Variants in C4orf50 observed in about 807,000 individuals in gnomAD.
C4orf50 encodes the protein chromosome 4 open reading frame 50, also known as uncharacterized protein C4orf50.
C4orf50 carries 80 observed loss-of-function variants against 77.2 expected under a neutral mutation model. That is an observed-to-expected ratio of 1.04 (90% confidence interval 0.87 to 1.25). The LOEUF is 1.25. Among genes scored for constraint, C4orf50 ranks in the 50% most tolerant of loss-of-function variants. C4orf50 has a pLI of 0.00. For missense variants in C4orf50, 1,257 were observed against 1,152.9 expected (o/e 1.09, Z -1.31); for synonymous variants, 532 against 465.3 (o/e 1.14, Z -1.84).
chr4:6,015,585 T>C lies in C4orf50; in HGVS notation c.287+2560A>G, dbSNP rs1722653287. On this transcript the variant is annotated intron_variant, in intron 23 of 33. Transcript: ENST00000531445. This position sits in a 1 kb window ranked among gnomAD's most constrained non-coding sequence, Gnocchi z 4.4. ...TTTGCCCATTCTCCCCATGTCTGTGTGGGCTTTCTCGGGGTACCCTGGTCT... is the reference window on the plus strand; with the variant it reads ...TTTGCCCATTCTCCCCATGTCTGTGCGGGCTTTCTCGGGGTACCCTGGTCT... Among the ~76,000 whole-genome samples the C allele has an allele frequency of 6.6e-6, 1 of 152,130 alleles. No homozygotes were observed. The highest frequency in any genetic ancestry group is 1.5e-5 in the Non-Finnish European group (1 of 68,030).
In C4orf50 at chr4:5,909,472, C is replaced by T. The variant is rs150361389; in HGVS notation, c.*2475-11284G>A. Among the ~76,000 whole-genome samples, 535 of 152,306 alleles carry T rather than the reference C, an allele frequency of 3.5e-3. 1 individual carries two copies. The highest frequency in any genetic ancestry group is 5.6e-3 in the Non-Finnish European group (384 of 68,012). On this transcript the variant is annotated intron_variant, in intron 7 of 7. Coordinates refer to the C4orf50 transcript ENST00000324058. ...TCATTCTATAGATTGTCTCTTTACT[C>T]TGTTGATTGTTTCCTTTGCTGTGCA... is the stretch of plus-strand genomic sequence containing the variant.
chr4:5,906,501 G>C (rs1056225833), intron 7 of C4orf50, among the ~76,000 whole-genome samples: 1 of 152,162 alleles, frequency 6.6e-6, no homozygotes, highest in African/African-American at 2.4e-5. Context: ...GAGCCTTCAT[G>C]GATGCACCAG....
chr4:5,933,705 G>A (rs1717868929), intron 7 of C4orf50, among the ~76,000 whole-genome samples: 1 of 152,034 alleles, frequency 6.6e-6, no homozygotes, highest in Non-Finnish European at 1.5e-5. Flanking sequence ...CGGAGCTCGG[G>A]TGCCCATGGG....
At chr4:5,996,165 G>A (rs947246381) in intron 25 of C4orf50, among the ~76,000 whole-genome samples, 6 of 152,184 alleles carry the variant, frequency 3.9e-5, no homozygotes, top group African/African-American at 1.4e-4. Context: ...CTGCTTGCCT[G>A]TCCCAGCGCG....
intron 28 of C4orf50, among the ~76,000 whole-genome samples, chr4:5,984,224 T>C (rs1004090963): frequency 3.3e-5 from 5 of 152,204 alleles, no homozygotes; most frequent in Non-Finnish European, 7.4e-5. Flanking sequence ...TCAACATTCT[T>C]TGGAGAAAGA....
At chr4:5,926,858 G>A (rs979965753) in intron 7 of C4orf50, among the ~76,000 whole-genome samples, 7 of 152,112 alleles carry the variant, frequency 4.6e-5, no homozygotes, top group South Asian at 2.1e-4. Context: ...GTGGCTCTGC[G>A]GCTCATCCAT....
intron 28 of C4orf50, among the ~76,000 whole-genome samples, chr4:5,982,697 A>G (rs1185724054): frequency 1.3e-5 from 2 of 152,108 alleles, no homozygotes; most frequent in East Asian, 3.9e-4. Flanking sequence ...AAATGGTATC[A>G]TTGAAGGCAG....
chr4:5,937,587 G>T (rs1002769201), intron 7 of C4orf50, among the ~76,000 whole-genome samples: 5 of 152,094 alleles, frequency 3.3e-5, no homozygotes, highest in African/African-American at 1.2e-4. Flanking sequence ...ACATATATCA[G>T]TTATCATAAT....
At chr4:5,914,425 C>T (rs1457176955) in intron 7 of C4orf50, among the ~76,000 whole-genome samples, 4 of 151,816 alleles carry the variant, frequency 2.6e-5, no homozygotes, top group Non-Finnish European at 4.4e-5. Context: ...AGGATGGTCT[C>T]GATCTCCTGA....
Position 5,919,483 on chromosome 4 carries a change from CA to C in C4orf50, c.*2475-21296del, listed in dbSNP as rs1396904981. Among the ~76,000 whole-genome samples, 2 of 152,204 alleles carry C rather than the reference CA, an allele frequency of 1.3e-5. No homozygotes were observed. The highest frequency in any genetic ancestry group is 3.9e-4 in the East Asian group (2 of 5,186). On this transcript the variant is annotated intron_variant, in intron 7 of 7. Transcript: ENST00000324058. The surrounding 1 kb of genome is among the most constrained non-coding windows in gnomAD (Gnocchi z 6.5). The stretch of plus-strand genomic sequence containing the variant: ...CACCTGCCTCATGCCTCAGCAGCCC[CA>C]CAGAGACTGTGCAGGAGGCCATGTC...
chr4:5,937,983 A>G (rs982472856), intron 7 of C4orf50, among the ~76,000 whole-genome samples: 1 of 152,232 alleles, frequency 6.6e-6, no homozygotes, highest in Non-Finnish European at 1.5e-5. Flanking sequence ...GTATTTAAAC[A>G]CATCTTCCTC....
At chr4:5,914,029 G>A (rs1435567820) in intron 7 of C4orf50, among the ~76,000 whole-genome samples, 1 of 152,096 alleles carries the variant, frequency 6.6e-6, no homozygotes. Flanking sequence ...GTAATCATGA[G>A]AAGTAAAGTT....
chr4:5,953,577 G>A (rs1035489862), downstream of C4orf50, among the ~76,000 whole-genome samples: 2 of 152,224 alleles, frequency 1.3e-5, no homozygotes, highest in African/African-American at 2.4e-5. Context: ...TGAGCAGAGA[G>A]CACTGTCCCA....
At chr4:5,976,058 C>A in intron 29 of C4orf50, 103 bp from the exon 8 acceptor site, 1 of 873,456 alleles carries the variant, frequency 1.1e-6, no homozygotes, top group East Asian at 2.5e-5. Context: ...GTTGCCTGCC[C>A]TCTTTACCCT....
chr4:6,005,670 A>ACC, intron 25 of C4orf50, among the ~76,000 whole-genome samples: 2 of 152,314 alleles, frequency 1.3e-5, no homozygotes, highest in East Asian at 3.9e-4. Context: ...GGTAAACAGC[A>ACC]CCTGTCTCAC....
At chr4:5,989,535 C>G (rs892294624) in exon 28 of C4orf50, 2 of 1,536,154 alleles carry the variant, frequency 1.3e-6, no homozygotes, top group Non-Finnish European at 1.7e-6. Flanking sequence ...AGCTCCAGTT[C>G]TCTCCCCTAC....
intron 7 of C4orf50, among the ~76,000 whole-genome samples, chr4:5,937,689 A>T (rs921524534): frequency 3.9e-5 from 6 of 152,188 alleles, no homozygotes; most frequent in African/African-American, 9.7e-5. Flanking sequence ...TAACAGAGAC[A>T]TACTAAAAAT....
chr4:5,995,129 C>T (rs1428524057), intron 25 of C4orf50, among the ~76,000 whole-genome samples: 1 of 152,046 alleles, frequency 6.6e-6, no homozygotes, highest in Non-Finnish European at 1.5e-5. Flanking sequence ...CCAAAGGCTC[C>T]CAGCTCCACC....
intron 28 of C4orf50, among the ~76,000 whole-genome samples, chr4:5,986,758 C>G (rs557034732): frequency 6.6e-6 from 1 of 151,964 alleles, no homozygotes; most frequent in Non-Finnish European, 1.5e-5. Context: ...AGGCAGGTCT[C>G]GAACTCCTGA....
Sources: allele counts gnomAD v4.1 joint callset (sites outside exome capture counted in the v4.1 genomes callset), GRCh38; gene constraint gnomAD v4.1.1; non-coding constraint Gnocchi (gnomAD v3.1); transcripts MANE v1.5; gene names NCBI Gene and HGNC (gene_info 2026-07-23, HGNC 2026-07-21).